The following TNNT2 variants were observed in gnomAD, a reference collection of about 807,000 sequenced individuals.
The protein encoded by TNNT2 is troponin T, cardiac muscle.
TNNT2 carries 34 observed loss-of-function variants against 62.4 expected under a neutral mutation model. The ratio of observed to expected loss-of-function variants is 0.54; its 90% CI spans 0.41 to 0.72. TNNT2 has a LOEUF of 0.72. Ranked by LOEUF, TNNT2 falls within the 30% of genes least tolerant of loss-of-function variation. The probability of loss-of-function intolerance (pLI) is 0.00; values close to 1 mark genes in which losing one functional copy is unlikely to be tolerated. For synonymous variants in TNNT2, 123 were observed against 127.2 expected, an observed-to-expected ratio of 0.97 and a Z score of 0.22; for missense variants, 275 against 381.9, an observed-to-expected ratio of 0.72 and a Z score of 2.33.
intron 14 of TNNT2, 116 bp downstream of exon 14, chr1:201,361,797 G>A (rs1658696802): frequency 1.9e-6 from 2 of 1,029,952 alleles, no homozygotes; most frequent in South Asian, 1.3e-5. Context: ...CTTGCCATGG[G>A]AAAATATGTG....
chr1:201,364,779 A>G (rs1404559030), intron 10 of TNNT2, among the ~76,000 whole-genome samples: 1 of 152,204 alleles, frequency 6.6e-6, no homozygotes, highest in African/African-American at 2.4e-5. Context: ...AACAAAAGCA[A>G]TCAAAGCAGC....
chr1:201,365,704 A>T (rs1659543848), intron 8 of TNNT2, 34 bp from the exon 9 acceptor site: 1 of 1,611,082 alleles, frequency 6.2e-7, no homozygotes, highest in Non-Finnish European at 8.5e-7. Context: ...CATCAGCCCC[A>T]TTCTGGACCC....
chr1:201,364,380 G>A lies in TNNT2; in HGVS notation c.412-5C>T. 6.2e-7 allele frequency: 1 copy of A among 1,611,864 alleles called. No individual in the cohort carries two copies. Among genetic ancestry groups the A allele is most frequent in the East Asian group, 2.2e-5 (1 of 44,632 alleles). ...CCGCTCTGCCCGACGTCTCTCCTAA[G>A]GAGAAGAGGCAAAGCCCACCCAGGT... On this transcript the variant is annotated splice_region_variant and splice_polypyrimidine_tract_variant and intron_variant, in intron 10 of 16. Coordinates refer to ENST00000656932, the MANE Select transcript of TNNT2 (RefSeq NM_001276345.2).
intron 5 of TNNT2, chr1:201,369,312 T>C (rs901697566): frequency 1.1e-5 from 5 of 472,530 alleles, no homozygotes; most frequent in South Asian, 6.2e-5. Flanking sequence ...GCAGGGCGCA[T>C]CTGAAGGCTG....
In TNNT2 at chr1:201,361,374, A is replaced by G. The variant is rs730881092; in HGVS notation, c.720-5T>C. ...CACAGCTCCTTGGCCTTCTCCCTGC[A>G]CGGGCAAGGGTGAGAATGGGGAGGT... On this transcript the variant is annotated splice_region_variant and splice_polypyrimidine_tract_variant and intron_variant, in intron 14 of 16. Coordinates refer to ENST00000656932, the MANE Select transcript of TNNT2 (RefSeq NM_001276345.2). 6.2e-7 allele frequency: 1 copy of G among 1,613,698 alleles called. No individual in the cohort carries two copies. The highest frequency in any genetic ancestry group is 1.1e-5 in the South Asian group (1 of 91,088).
chr1:201,365,980 C>A, intron 8 of TNNT2: 1 of 1,257,458 alleles, frequency 8.0e-7, no homozygotes, highest in Non-Finnish European at 1.0e-6. Context: ...CAAAGCCACA[C>A]AACTTGGAAT....
chr1:201,368,390 G>C (rs989316733), intron 5 of TNNT2, 163 bp from the exon 6 acceptor site: 2 of 748,116 alleles, frequency 2.7e-6, no homozygotes, highest in Non-Finnish European at 4.6e-6. Context: ...GCCATTCTTG[G>C]TTTTGACTGT....
At chr1:201,369,944 T>C in intron 4 of TNNT2, 99 bp from the exon 5 acceptor site, 1 of 1,381,598 alleles carries the variant, frequency 7.2e-7, no homozygotes, top group Middle Eastern at 1.9e-4. Flanking sequence ...GCGCAGTGGT[T>C]TTAAGAGTGT....
chr1:201,362,877 G>A (rs183633719), intron 12 of TNNT2, among the ~76,000 whole-genome samples: 1 of 152,298 alleles, frequency 6.6e-6, no homozygotes, highest in East Asian at 1.9e-4. Flanking sequence ...AAAGCATCAA[G>A]GCAGGCAATA....
Position 201,361,950 on chromosome 1 carries a change from C to A in TNNT2, c.682G>T (p.Val228Leu), listed in dbSNP as rs397516479. 3.7e-6 allele frequency: 6 copies of A among 1,614,236 alleles called. 1 individual carries two copies. The highest frequency in any genetic ancestry group is 2.2e-5 in the South Asian group (2 of 91,084). Residue 228 changes from valine to leucine, a missense_variant, in exon 14 of 17, where the codon GTG becomes TTG. Transcript: ENST00000656932. The stretch of plus-strand genomic sequence containing the variant: ...TCATTCAGGTGGTCAATGGCCAGCA[C>A]CTTCCTCCTCTCAGCCAGAATCTTC... ...KKKILAERRK[V>L]LAIDHLNEDQ...
chr1:201,369,741 A>C, intron 5 of TNNT2, 75 bp downstream of exon 5: 4 of 1,583,592 alleles, frequency 2.5e-6, no homozygotes, highest in Non-Finnish European at 2.6e-6. Context: ...CCCCCAGAAC[A>C]GGGCCCCTGG....
chr1:201,365,150 G>C (rs772635417), intron 10 of TNNT2, 41 bp downstream of exon 10: 1 of 1,517,074 alleles, frequency 6.6e-7, no homozygotes, highest in Admixed American at 1.7e-5. Flanking sequence ...AGGACAGACT[G>C]GGCCATCAGA....
At chr1:201,366,335 T>A (rs926330409) in intron 8 of TNNT2, 1 of 1,006,850 alleles carries the variant, frequency 9.9e-7, no homozygotes, top group Non-Finnish European at 1.2e-6. Context: ...GTTGGCATCA[T>A]AAAAAGGGAA....
At chr1:201,362,208 A>C (rs1658796609) in intron 13 of TNNT2, 178 bp downstream of exon 13, 1 of 1,256,976 alleles carries the variant, frequency 8.0e-7, no homozygotes, top group Admixed American at 2.0e-5. Context: ...AGGGGCAAGA[A>C]GGATCACGTC....
chr1:201,361,223 T>A, intron 15 of TNNT2, 56 bp downstream of exon 15: 2 of 1,556,068 alleles, frequency 1.3e-6, no homozygotes, highest in Non-Finnish European at 8.9e-7. Context: ...CCGGACCCAG[T>A]GAACCAGGAG....
At chr1:201,363,722 G>C in intron 11 of TNNT2, 1 of 419,738 alleles carries the variant, frequency 2.4e-6, no homozygotes, top group Non-Finnish European at 4.5e-6. Flanking sequence ...CGGGGCCTTC[G>C]GTTCCCACGA....
At position 201,359,319 on chromosome 1, in the gene TNNT2, TG is replaced by T. The variant is rs913769804; in HGVS notation, c.852-65del. On this transcript the variant is annotated intron_variant, in intron 16 of 16. Coordinates refer to ENST00000656932, the MANE Select transcript of TNNT2 (RefSeq NM_001276345.2). Reference sequence around the variant, plus strand: ...GCAGGGTAGTAGGTCACCATGCGGCTGGGGTAGGACTGGGGTGCCAAAGGGG... The same window carrying T: ...GCAGGGTAGTAGGTCACCATGCGGCTGGGTAGGACTGGGGTGCCAAAGGGG... 1.1e-5 allele frequency: 17 copies of T among 1,578,676 alleles called. No individual in the cohort carries two copies. The Admixed American group carries it at 2.0e-4, about 19-fold the overall frequency.
chr1:201,362,073 C>G, intron 13 of TNNT2, 51 bp from the exon 14 acceptor site: 1 of 1,592,590 alleles, frequency 6.3e-7, no homozygotes, highest in Non-Finnish European at 8.6e-7. Context: ...CCCTCCCTGT[C>G]CCCTAACCCT....
chr1:201,373,079 C>A, intron 2 of TNNT2, 135 bp downstream of exon 2: 1 of 876,680 alleles, frequency 1.1e-6, no homozygotes, highest in Non-Finnish European at 2.0e-6. Flanking sequence ...ATGGCTATAT[C>A]TCTCCTCGGG....
Sources: gnomAD v4.1 joint callset for allele counts (sites outside exome capture counted in the v4.1 genomes callset) on GRCh38, gnomAD v4.1.1 for gene constraint, MANE v1.5 for transcripts, NCBI Gene and HGNC (gene_info 2026-07-23, HGNC 2026-07-21) for gene names.